Variants in CCSER1 observed in about 807,000 individuals in gnomAD.
CCSER1 encodes the protein coiled-coil serine rich protein 1.
A neutral mutation model predicts 82.0 loss-of-function variants in CCSER1; 41 were observed. The observed-to-expected ratio is 0.50, with a 90% CI of 0.39 to 0.65. CCSER1 has a LOEUF of 0.65. CCSER1 is among the 30% of genes least tolerant of loss of function. CCSER1 has a pLI of 0.00. For synonymous variants in CCSER1, 414 were observed against 383.9 expected, an observed-to-expected ratio of 1.08 and a Z score of -0.92; for missense variants, 1,119 against 1,064.2, an observed-to-expected ratio of 1.05 and a Z score of -0.72.
intron 10 of CCSER1, among the ~76,000 whole-genome samples, chr4:91,127,025 G>T (rs1727581579): frequency 6.6e-6 from 1 of 151,750 alleles, no homozygotes; most frequent in Non-Finnish European, 1.5e-5. Flanking sequence ...ATTTTCTGTT[G>T]GGAAACAGCT....
At chr4:90,821,530 A>G (rs1759720007) in intron 8 of CCSER1, among the ~76,000 whole-genome samples, 1 of 152,166 alleles carries the variant, frequency 6.6e-6, no homozygotes, top group South Asian at 2.1e-4. Context: ...AATATTAGAA[A>G]TACATCACTC....
At chr4:90,425,630 C>T (rs1757418503) in intron 4 of CCSER1, among the ~76,000 whole-genome samples, 1 of 152,162 alleles carries the variant, frequency 6.6e-6, no homozygotes, top group Admixed American at 6.6e-5. Context: ...GCCTCTATCT[C>T]CAGTTTGACC....
chr4:90,744,641 C>T (rs909078860), intron 7 of CCSER1, among the ~76,000 whole-genome samples: 1 of 152,108 alleles, frequency 6.6e-6, no homozygotes, highest in Non-Finnish European at 1.5e-5. Context: ...GAACCAGTCA[C>T]AAAGCAGGAG....
At chr4:91,405,475 A>G (rs1392094182) in intron 10 of CCSER1, among the ~76,000 whole-genome samples, 2 of 152,218 alleles carry the variant, frequency 1.3e-5, no homozygotes, top group Non-Finnish European at 2.9e-5. Context: ...TAATTAAACT[A>G]AAGAGCTTCT....
At chr4:91,051,258 C>T (rs765899242) in intron 9 of CCSER1, among the ~76,000 whole-genome samples, 7 of 152,028 alleles carry the variant, frequency 4.6e-5, no homozygotes, top group African/African-American at 4.8e-5. Flanking sequence ...ACAAATCAAA[C>T]GCATTCAAGT....
chr4:90,568,274 T>A (rs986569543), intron 5 of CCSER1, among the ~76,000 whole-genome samples: 1 of 152,216 alleles, frequency 6.6e-6, no homozygotes, highest in African/African-American at 2.4e-5. Context: ...TGAAGTCTAT[T>A]ACTATTTCTG....
intron 9 of CCSER1, among the ~76,000 whole-genome samples, chr4:91,054,710 T>G (rs1461589): frequency 0.37 from 55,073 of 148,080 alleles, 11,255 homozygotes; most frequent in East Asian, 0.63. Flanking sequence ...AGATTTTTTT[T>G]TGGGGCGGTG....
chr4:90,799,393 G>T (rs1048111991), intron 7 of CCSER1, among the ~76,000 whole-genome samples: 1 of 152,132 alleles, frequency 6.6e-6, no homozygotes, highest in Admixed American at 6.5e-5. Context: ...AATCCATCTG[G>T]GCAGACACAC....
intron 10 of CCSER1, among the ~76,000 whole-genome samples, chr4:91,390,591 TTA>T (rs962688047): frequency 2.7e-5 from 4 of 150,416 alleles, no homozygotes; most frequent in Admixed American, 6.7e-5. Flanking sequence ...AGTATTTTAT[TTA>T]TATATATATA....
intron 3 of CCSER1, among the ~76,000 whole-genome samples, chr4:90,363,013 T>C (rs1745638285): frequency 6.6e-6 from 1 of 152,176 alleles, no homozygotes; most frequent in South Asian, 2.1e-4. Flanking sequence ...ATTAAACATT[T>C]AATGTTGTAC....
At chr4:90,675,448 A>T (rs1579879236) in intron 6 of CCSER1, among the ~76,000 whole-genome samples, 1 of 152,082 alleles carries the variant, frequency 6.6e-6, no homozygotes. Context: ...GGATTCACAA[A>T]ATATTAGTTT....
At chr4:90,187,176 T>C (rs1319835648) in intron 1 of CCSER1, among the ~76,000 whole-genome samples, 1 of 151,868 alleles carries the variant, frequency 6.6e-6, no homozygotes, top group African/African-American at 2.4e-5. Context: ...AGAAATACCA[T>C]GTTAGATTTT....
intron 1 of CCSER1, among the ~76,000 whole-genome samples, chr4:90,214,577 C>T (rs1334772096): frequency 1.3e-5 from 2 of 150,860 alleles, no homozygotes; most frequent in East Asian, 2.0e-4. Context: ...TAGGTCATTA[C>T]AAGGCAATAA....
intron 5 of CCSER1, among the ~76,000 whole-genome samples, chr4:90,608,883 A>G (rs1785092477): frequency 6.6e-6 from 1 of 152,082 alleles, no homozygotes; most frequent in East Asian, 1.9e-4. Flanking sequence ...CTGTTTTATA[A>G]TAAAGAAAAT....
chr4:91,507,673 T>TAA (rs1296999473), intron 10 of CCSER1, among the ~76,000 whole-genome samples: 3 of 151,884 alleles, frequency 2.0e-5, no homozygotes, highest in Non-Finnish European at 4.4e-5. Flanking sequence ...TACATATATA[T>TAA]AACTTAATTT....
At chr4:90,982,289 C>A (rs538104767) in intron 9 of CCSER1, among the ~76,000 whole-genome samples, 2 of 151,606 alleles carry the variant, frequency 1.3e-5, no homozygotes, top group Non-Finnish European at 3.0e-5. Flanking sequence ...CTTTGAATGG[C>A]AGTAATTTCA....
At chr4:90,606,607 T>C (rs1298537127) in intron 5 of CCSER1, among the ~76,000 whole-genome samples, 3 of 152,220 alleles carry the variant, frequency 2.0e-5, no homozygotes, top group South Asian at 2.1e-4. Context: ...GTTTTAAATA[T>C]GTACTGTGAA....
At chr4:90,429,330 C>A (rs991758350) in intron 4 of CCSER1, among the ~76,000 whole-genome samples, 1 of 151,692 alleles carries the variant, frequency 6.6e-6, no homozygotes, top group Non-Finnish European at 1.5e-5. Context: ...ATATAAAAAG[C>A]TGTTTGGATG....
At chr4:90,686,101 C>A (rs1376056767) in intron 6 of CCSER1, among the ~76,000 whole-genome samples, 2 of 152,104 alleles carry the variant, frequency 1.3e-5, no homozygotes, top group East Asian at 1.9e-4. Context: ...ATTTATTTGG[C>A]TTCTAGCTCA....
Sources: gnomAD v4.1 joint callset for allele counts (sites outside exome capture counted in the v4.1 genomes callset) on GRCh38, gnomAD v4.1.1 for gene constraint, MANE v1.5 for transcripts, NCBI Gene and HGNC (gene_info 2026-07-23, HGNC 2026-07-21) for gene names.